The following AP2B1 variants were observed in gnomAD, a reference collection of about 807,000 sequenced individuals.
AP2B1 encodes the protein adaptor related protein complex 2 subunit beta 1, also known as AP-2 complex subunit beta.
A neutral mutation model predicts 102.0 loss-of-function variants in AP2B1; 23 were observed. The observed-to-expected ratio is 0.23, with a 90% CI of 0.16 to 0.32. AP2B1 has a LOEUF of 0.32. AP2B1 is among the 10% of genes least tolerant of loss of function. The probability of loss-of-function intolerance (pLI) is 1.00; values close to 1 mark genes in which losing one functional copy is unlikely to be tolerated. For synonymous variants in AP2B1, 381 were observed against 421.2 expected (o/e 0.90, Z 1.17); for missense variants, 541 against 1,157.4 (o/e 0.47, Z 7.73).
chr17:35,651,586 C>T (rs189540370), intron 13 of AP2B1, among the ~76,000 whole-genome samples: 1 of 151,972 alleles, frequency 6.6e-6, no homozygotes, highest in East Asian at 1.9e-4. Flanking sequence ...TGTCTTGTAC[C>T]ATTGTCTAAT....
intron 18 of AP2B1, among the ~76,000 whole-genome samples, chr17:35,689,040 G>C (rs1367824032): frequency 6.6e-6 from 1 of 152,078 alleles, no homozygotes; most frequent in Non-Finnish European, 1.5e-5. Flanking sequence ...ATAGTATAAC[G>C]AGCCCCTGTG....
chr17:35,636,991 TATTCTC>T (rs1401887083), intron 10 of AP2B1, among the ~76,000 whole-genome samples: 1 of 152,230 alleles, frequency 6.6e-6, no homozygotes, highest in Non-Finnish European at 1.5e-5. Flanking sequence ...GTATTGTAGT[TATTCTC>T]ATACAGATAT....
chr17:35,671,002 C>T (rs1013450873), intron 15 of AP2B1, 104 bp downstream of exon 15: 8 of 1,188,490 alleles, frequency 6.7e-6, no homozygotes, highest in African/African-American at 3.0e-5. Flanking sequence ...TCTAGCACTG[C>T]ACACCAAAAC....
At chr17:35,629,589 G>A (rs1426810271) in intron 9 of AP2B1, among the ~76,000 whole-genome samples, 1 of 152,100 alleles carries the variant, frequency 6.6e-6, no homozygotes, top group Non-Finnish European at 1.5e-5. Flanking sequence ...ATTTTTTGGT[G>A]ATGATTGCAT....
rs760578217 is a variant in AP2B1 at position 35,650,507 on chromosome 17, C to T, written c.1537-23C>T. ...ATGGAGAACAGTTTCATCTCCACCT[C>T]CTTGCCTTTGCCTTTTCTTTAGGAT... On this transcript the variant is annotated intron_variant, in intron 12 of 21. Transcript: ENST00000610402. The T allele has an allele frequency of 3.7e-6, 6 of 1,610,688 alleles. No individual in the cohort carries two copies. The South Asian group carries it at 6.6e-5, about 18-fold the overall frequency.
At position 35,598,210 on chromosome 17, in the gene AP2B1, T is replaced by G. The variant is rs752578316; in HGVS notation, c.38-20T>G. 18 of 1,544,482 alleles carry G rather than the reference T, an allele frequency of 1.2e-5. No homozygotes were observed. In the East Asian group the frequency reaches 4.0e-4, roughly 35 times the overall value. The stretch of plus-strand genomic sequence containing the variant: ...GTCTGTGGTACTGGAACCTTACCAG[T>G]TTGCTCTCATCTCTTGCAGGAGAAA... On this transcript the variant is annotated intron_variant, in intron 2 of 21. Coordinates refer to ENST00000610402, the MANE Select transcript of AP2B1 (RefSeq NM_001030006.2).
intron 18 of AP2B1, among the ~76,000 whole-genome samples, chr17:35,705,341 G>A (rs1258095773): frequency 2.6e-5 from 4 of 152,130 alleles, no homozygotes; most frequent in Admixed American, 2.0e-4. Context: ...GTAGCAAAAG[G>A]AATCATTAAG....
intron 14 of AP2B1, among the ~76,000 whole-genome samples, chr17:35,658,677 C>T (rs958453600): frequency 2.0e-5 from 3 of 152,090 alleles, no homozygotes; most frequent in Admixed American, 1.3e-4. Context: ...TGCCCAACAA[C>T]GATTTATTTA....
chr17:35,716,757 G>A (rs1368828806), intron 20 of AP2B1, among the ~76,000 whole-genome samples: 1 of 152,172 alleles, frequency 6.6e-6, no homozygotes, highest in Non-Finnish European at 1.5e-5. Context: ...TATGGATGTG[G>A]TCATCAGTCT....
Position 35,697,793 on chromosome 17 carries a change from C to G in AP2B1, c.2455-11431C>G, listed in dbSNP as rs376910989. The stretch of plus-strand genomic sequence containing the variant: ...CCTGGCCAACATGGCGAAACCCCAT[C>G]TCTACCAAAAATACAAAAATTAGCC... On this transcript the variant is annotated intron_variant, in intron 18 of 21. Transcript: ENST00000610402. 9.9e-5 allele frequency among the ~76,000 whole-genome samples: 15 copies of G among 152,198 alleles called. No individual in the cohort carries two copies. The East Asian group carries it at 1.4e-3, about 14-fold the overall frequency.
At chr17:35,617,612 C>A (rs917896484) in intron 5 of AP2B1, among the ~76,000 whole-genome samples, 1 of 152,028 alleles carries the variant, frequency 6.6e-6, no homozygotes, top group Non-Finnish European at 1.5e-5. Flanking sequence ...CAAGGGTGTA[C>A]GTTTAAAGTA....
intron 5 of AP2B1, among the ~76,000 whole-genome samples, chr17:35,613,102 C>T (rs1270917196): frequency 6.6e-6 from 1 of 150,854 alleles, no homozygotes; most frequent in African/African-American, 2.4e-5. Flanking sequence ...GATTTTGTTC[C>T]ACTTTTTCAG....
chr17:35,711,812 C>A (rs756155917), intron 20 of AP2B1, among the ~76,000 whole-genome samples: 9 of 152,174 alleles, frequency 5.9e-5, no homozygotes, highest in Non-Finnish European at 1.2e-4. Flanking sequence ...ATGTAATATT[C>A]ATCTTCTGTG....
At chr17:35,615,454 G>T (rs910649360) in intron 5 of AP2B1, among the ~76,000 whole-genome samples, 9 of 152,096 alleles carry the variant, frequency 5.9e-5, no homozygotes, top group African/African-American at 1.9e-4. Context: ...GTGGTGATTT[G>T]TTGTCAACCT....
intron 20 of AP2B1, among the ~76,000 whole-genome samples, chr17:35,712,591 T>C (rs782152287): frequency 7.3e-5 from 11 of 151,380 alleles, no homozygotes; most frequent in Non-Finnish European, 1.5e-4. Flanking sequence ...ATCGCACCAC[T>C]GCACTCCAGC....
intron 19 of AP2B1, 89 bp downstream of exon 19, chr17:35,709,397 T>C: frequency 8.9e-7 from 1 of 1,124,016 alleles, no homozygotes; most frequent in Non-Finnish European, 1.3e-6. Flanking sequence ...TTTTGAGTTA[T>C]TTTGAGGTTA....
chr17:35,658,649 ACCC>A (rs2075289815), intron 14 of AP2B1, among the ~76,000 whole-genome samples: 1 of 152,142 alleles, frequency 6.6e-6, no homozygotes, highest in South Asian at 2.1e-4. Context: ...ATTTTTGTCA[ACCC>A]AATGACTATA....
At chr17:35,702,274 T>G (rs2143003560) in intron 18 of AP2B1, among the ~76,000 whole-genome samples, 1 of 152,314 alleles carries the variant, frequency 6.6e-6, no homozygotes, top group Non-Finnish European at 1.5e-5. Flanking sequence ...CAAAAATATG[T>G]TGGTCATGGA....
chr17:35,621,718 A>G (rs2074184203), intron 5 of AP2B1, among the ~76,000 whole-genome samples: 1 of 152,218 alleles, frequency 6.6e-6, no homozygotes, highest in Non-Finnish European at 1.5e-5. Flanking sequence ...TTTAATTTCC[A>G]GTTGCCTATA....
Sources: allele counts gnomAD v4.1 joint callset (sites outside exome capture counted in the v4.1 genomes callset), GRCh38; gene constraint gnomAD v4.1.1; transcripts MANE v1.5; gene names NCBI Gene and HGNC (gene_info 2026-07-23, HGNC 2026-07-21).